The following RERGL variants were observed in gnomAD, a reference collection of about 807,000 sequenced individuals.
The protein encoded by RERGL is RERG like.
RERGL carries 22 observed loss-of-function variants against 24.7 expected under a neutral mutation model. The observed-to-expected ratio is 0.89, with a 90% CI of 0.64 to 1.27. The LOEUF (loss-of-function observed/expected upper bound fraction) is 1.27, where lower values mean the gene tolerates loss of function less well. Among genes scored for constraint, RERGL ranks in the 50% most tolerant of loss-of-function variants. The pLI is 0.00. For synonymous variants in RERGL, 76 were observed against 82.6 expected (o/e 0.92, Z 0.43); for missense variants, 259 against 235.3 (o/e 1.10, Z -0.66).
chr12:18,085,513 C>A, intron 3 of RERGL, 107 bp downstream of exon 3: 2 of 727,690 alleles, frequency 2.7e-6, no homozygotes, highest in Non-Finnish European at 4.5e-6. Context: ...GTTTTAACAC[C>A]GCAACTTTTC....
intron 2 of RERGL, among the ~76,000 whole-genome samples, chr12:18,087,973 CA>C (rs1316280779): frequency 6.6e-6 from 1 of 152,048 alleles, no homozygotes; most frequent in Non-Finnish European, 1.5e-5. Context: ...GGGAAAAACA[CA>C]ATGTAATATA....
intron 1 of RERGL, 68 bp from the exon 2 acceptor site, chr12:18,089,024 T>A: frequency 7.4e-7 from 1 of 1,346,090 alleles, no homozygotes; most frequent in South Asian, 1.2e-5. Flanking sequence ...GTTATGTGCA[T>A]AAGGCTTTAG....
chr12:18,089,192 A>C (rs1947247091), intron 1 of RERGL: 4 of 1,560,750 alleles, frequency 2.6e-6, no homozygotes, highest in Non-Finnish European at 3.5e-6. Flanking sequence ...ATCACTATGC[A>C]GTTAATTCAT....
chr12:18,081,488 C>A lies in RERGL; in HGVS notation c.333-15G>T, dbSNP rs11043839. Reference sequence around the variant, plus strand: ...ATTCCACAGCTCTGAAATAGAGATACACAATTTTTAGCAAGATTGTTTTAA... The same window carrying A: ...ATTCCACAGCTCTGAAATAGAGATAAACAATTTTTAGCAAGATTGTTTTAA... On this transcript the variant is annotated splice_polypyrimidine_tract_variant and intron_variant, in intron 4 of 4. Coordinates refer to ENST00000538724, the MANE Select transcript of RERGL (RefSeq NM_001286201.2). The A allele has an allele frequency of 0.22, 319,532 of 1,477,616 alleles. 38,831 individuals carry two copies. Among genetic ancestry groups the A allele is most frequent in the East Asian group, 0.59 (25,026 of 42,420 alleles). 91.5% of individuals were successfully genotyped at this position (1,477,616 alleles called of 1,614,324 possible).
At position 18,085,611 on chromosome 12, in the gene RERGL, TTTAC is replaced by T. The variant is rs776146158; in HGVS notation, c.183+5_183+8del. 49 of 1,507,936 alleles carry T rather than the reference TTTAC, an allele frequency of 3.2e-5. 1 individual carries two copies. Among genetic ancestry groups the T allele is most frequent in the Middle Eastern group, 1.7e-4 (1 of 5,782 alleles). The allele number at this position is 1,507,936 out of a possible 1,614,324, so 93.4% of individuals were successfully genotyped here. A position where few individuals can be genotyped will look rare whatever the true frequency, so the allele number is the denominator to read the frequency against. ...TAAATCAATAAAAAAGGTGTTTTGT[TTTAC>T]TTACTTGAGAACAAGGGTCATATAT... On this transcript the variant is annotated splice_donor_5th_base_variant and intron_variant, in intron 3 of 4. Coordinates refer to ENST00000538724, the MANE Select transcript of RERGL (RefSeq NM_001286201.2).
chr12:18,090,098 C>G lies in RERGL; in HGVS notation c.43G>C (p.Gly15Arg). 6.5e-7 allele frequency: 1 copy of G among 1,533,100 alleles called. No homozygotes were observed. Among genetic ancestry groups the G allele is most frequent in the South Asian group, 1.2e-5 (1 of 83,674 alleles). 95.0% of individuals were successfully genotyped at this position (1,533,100 alleles called of 1,614,324 possible). Residue 15 changes from glycine to arginine, a missense_variant, in exon 1 of 5, where the codon GGC becomes CGC. Coordinates refer to ENST00000538724, the MANE Select transcript of RERGL (RefSeq NM_001286201.2). ...AGATGTCACCACTCACCAGATTTGC[C>G]TGTTCCTTCACCACCCAAGACAGCA... is the stretch of plus-strand genomic sequence containing the variant. ...KLAVLGGEGT[G>R]KSALTVRFLT...
At position 18,089,616 on chromosome 12, in the gene RERGL, G is replaced by A. The variant is rs574909950; in HGVS notation, c.52+473C>T. Among the ~76,000 whole-genome samples, 33 of 152,110 alleles carry A rather than the reference G, an allele frequency of 2.2e-4. No individual in the cohort carries two copies. In the South Asian group the frequency reaches 5.8e-3, roughly 27 times the overall value. On this transcript the variant is annotated intron_variant, in intron 1 of 4. Coordinates refer to ENST00000538724, the MANE Select transcript of RERGL (RefSeq NM_001286201.2). ...TTCCAGAACATCCACCAAGCCATGC[G>A]CCCCACAAAGTTCCTTCATCTTAGT...
intron 3 of RERGL, among the ~76,000 whole-genome samples, chr12:18,085,090 A>G (rs1158172997): frequency 6.6e-6 from 1 of 152,194 alleles, no homozygotes; most frequent in Admixed American, 6.5e-5. Flanking sequence ...TAAAATATTT[A>G]AGATACATTT....
chr12:18,084,685 A>C lies in RERGL; in HGVS notation c.184-20T>G, dbSNP rs781086096. On this transcript the variant is annotated intron_variant, in intron 3 of 4. Transcript: ENST00000538724. The stretch of plus-strand genomic sequence containing the variant: ...CTGTGTCTGAAAATAAACCAAGTGC[A>C]TTAAAAGTGGTGGGATCTAATACCT... 29 of 1,603,786 alleles carry C rather than the reference A, an allele frequency of 1.8e-5. No individual in the cohort carries two copies. In the South Asian group the frequency reaches 3.1e-4, roughly 17 times the overall value.
intron 4 of RERGL, among the ~76,000 whole-genome samples, chr12:18,083,586 A>G (rs1391442473): frequency 2.6e-5 from 4 of 152,104 alleles, no homozygotes; most frequent in Non-Finnish European, 5.9e-5. Context: ...CTAGAGATTA[A>G]AGTGGCTTAC....
At chr12:18,081,912 G>A (rs1032936522) in intron 4 of RERGL, among the ~76,000 whole-genome samples, 33 of 152,134 alleles carry the variant, frequency 2.2e-4, no homozygotes, top group African/African-American at 6.3e-4. Flanking sequence ...AGGCCAAGGC[G>A]GGCAGATCAT....
At chr12:18,083,354 G>T (rs1947190705) in intron 4 of RERGL, among the ~76,000 whole-genome samples, 1 of 152,004 alleles carries the variant, frequency 6.6e-6, no homozygotes, top group South Asian at 2.1e-4. Context: ...GTTTTTAAGT[G>T]TTCTTGAGTG....
chr12:18,085,791 T>C, intron 2 of RERGL, 98 bp from the exon 3 acceptor site: 1 of 644,254 alleles, frequency 1.6e-6, no homozygotes, highest in East Asian at 2.9e-5. Flanking sequence ...TATTGTGCTC[T>C]TTTTATATTG....
rs546282237 is a variant in RERGL, at chr12:18,081,450, A to C, written c.356T>G (p.Leu119Trp). The part of the protein sequence containing the change: ...CKRAVESAVF[L>W]VGNKRDLCHV... ...ACAAAGATCTCGTTTGTTGCCAACC[A>C]AAAACACTGCTGATTCCACAGCTCT... The change falls in exon 5 of 5, where the codon TTG (leucine) becomes TGG (tryptophan). Residue 119 changes from leucine (L) to tryptophan (W), a missense_variant. Leu to Trp is a moderately conservative substitution (Grantham distance 61). Coordinates refer to ENST00000538724, the MANE Select transcript of RERGL (RefSeq NM_001286201.2). The C allele has an allele frequency of 1.4e-5, 22 of 1,610,100 alleles. No homozygotes were observed. The South Asian group carries it at 2.0e-4, about 15-fold the overall frequency.
At chr12:18,084,112 C>T (rs946440413) in intron 4 of RERGL, among the ~76,000 whole-genome samples, 1 of 152,130 alleles carries the variant, frequency 6.6e-6, no homozygotes, top group African/African-American at 2.4e-5. Flanking sequence ...GATTGAACAA[C>T]TCAGTGACTA....
chr12:18,081,589 G>T, intron 4 of RERGL, 116 bp from the exon 5 acceptor site: 1 of 944,446 alleles, frequency 1.1e-6, no homozygotes, highest in Non-Finnish European at 1.5e-6. Flanking sequence ...AAAAAATATT[G>T]TGTGTATGTT....
chr12:18,088,764 C>A, intron 2 of RERGL, 136 bp downstream of exon 2: 1 of 679,492 alleles, frequency 1.5e-6, no homozygotes, highest in South Asian at 1.7e-5. Context: ...CAGTTCTAAT[C>A]AGAATATGTG....
intron 2 of RERGL, among the ~76,000 whole-genome samples, chr12:18,086,471 C>T (rs535966958): frequency 6.6e-6 from 1 of 152,212 alleles, no homozygotes; most frequent in Non-Finnish European, 1.5e-5. Flanking sequence ...ATGGTTAATT[C>T]TGTATCTTGA....
At chr12:18,089,926 C>A (rs1021023321) in intron 1 of RERGL, among the ~76,000 whole-genome samples, 163 bp downstream of exon 1, 3 of 151,898 alleles carry the variant, frequency 2.0e-5, no homozygotes, top group Non-Finnish European at 2.9e-5. Context: ...AATGAAAACT[C>A]CTAATGAAAG....
Sources: allele counts gnomAD v4.1 joint callset (sites outside exome capture counted in the v4.1 genomes callset), GRCh38; gene constraint gnomAD v4.1.1; transcripts MANE v1.5; gene names NCBI Gene and HGNC (gene_info 2026-07-23, HGNC 2026-07-21).